Variants in ING3 observed in about 807,000 individuals in gnomAD.
ING3 encodes inhibitor of growth family member 3, also known as inhibitor of growth protein 3.
ING3 carries 6 observed loss-of-function variants against 64.8 expected under a neutral mutation model. The observed-to-expected ratio is 0.09, with a 90% CI of 0.05 to 0.18. The LOEUF (loss-of-function observed/expected upper bound fraction) is 0.18. ING3 is among the 10% of genes least tolerant of loss of function. ING3 has a pLI of 1.00. For missense variants in ING3, 310 were observed against 489.7 expected, an observed-to-expected ratio of 0.63 and a Z score of 3.46; for synonymous variants, 170 against 173.7, an observed-to-expected ratio of 0.98 and a Z score of 0.17.
intron 9 of ING3, among the ~76,000 whole-genome samples, chr7:120,969,521 C>G (rs957036261): frequency 6.6e-6 from 1 of 150,970 alleles, no homozygotes; most frequent in African/African-American, 2.4e-5. Flanking sequence ...CTTTATTTTG[C>G]CATGTGTTTC....
chr7:120,966,929 A>C (rs1225288601), intron 6 of ING3, among the ~76,000 whole-genome samples: 1 of 152,160 alleles, frequency 6.6e-6, no homozygotes, highest in Non-Finnish European at 1.5e-5. Context: ...TAGTACTAAT[A>C]GCATATATTC....
At chr7:120,963,348 A>G (rs1795957343) in intron 4 of ING3, among the ~76,000 whole-genome samples, 1 of 152,096 alleles carries the variant, frequency 6.6e-6, no homozygotes, top group Admixed American at 6.5e-5. Context: ...TCACAAACCA[A>G]CACCCTAATG....
chr7:120,956,781 A>G (rs1795854512), intron 4 of ING3: 1 of 977,962 alleles, frequency 1.0e-6, no homozygotes. Flanking sequence ...TAATTTGTTT[A>G]GTAACATTCT....
chr7:120,973,314 T>C, intron 11 of ING3, 71 bp downstream of exon 11: 1 of 1,025,734 alleles, frequency 9.7e-7, no homozygotes, highest in African/African-American at 1.6e-5. Context: ...ATTTGTCTTA[T>C]TTGCTGTATG....
chr7:120,967,781 A>G, intron 7 of ING3, 133 bp downstream of exon 7: 1 of 1,273,016 alleles, frequency 7.9e-7, no homozygotes. Context: ...AAGAAGAAAA[A>G]GGAAAACCAA....
intron 4 of ING3, 59 bp downstream of exon 4, chr7:120,955,683 A>G: frequency 8.8e-7 from 1 of 1,131,576 alleles, no homozygotes; most frequent in Non-Finnish European, 1.3e-6. Flanking sequence ...ATTATATCTT[A>G]AATTGTATTG....
In ING3 at chr7:120,967,596, T is replaced by C; in HGVS notation, c.504T>C (p.Ser168=). 1 of 1,607,188 alleles carries C rather than the reference T, an allele frequency of 6.2e-7. No individual in the cohort carries two copies. The highest frequency in any genetic ancestry group is 2.2e-5 in the East Asian group (1 of 44,692). Residue 168 remains serine, a synonymous_variant, in exon 7 of 12, where the codon TCT becomes TCC. Transcript: ENST00000315870. Reference sequence around the variant, plus strand: ...ATATTCCTGAAAAGAAATTTAAATCTGAAGCTCTTCTATCCACCCTTACGT... The same window carrying C: ...ATATTCCTGAAAAGAAATTTAAATCCGAAGCTCTTCTATCCACCCTTACGT... ...TDHIPEKKFK[S]EALLSTLTSD...
intron 6 of ING3, among the ~76,000 whole-genome samples, chr7:120,967,171 C>T (rs531138471): frequency 6.6e-6 from 1 of 152,280 alleles, no homozygotes; most frequent in East Asian, 1.9e-4. Flanking sequence ...TGGTTGGTAA[C>T]AGTCAAAAAA....
At chr7:120,965,253 A>G (rs1281534977) in intron 5 of ING3, among the ~76,000 whole-genome samples, 1 of 152,200 alleles carries the variant, frequency 6.6e-6, no homozygotes, top group African/African-American at 2.4e-5. Flanking sequence ...CCTTAACTGC[A>G]TATACTGAAA....
chr7:120,959,630 A>ATTTTTTTTT (rs397889009), intron 4 of ING3, among the ~76,000 whole-genome samples: 6 of 55,702 alleles, frequency 1.1e-4, no homozygotes, highest in Non-Finnish European at 1.6e-4. Flanking sequence ...ACTTCCTCAC[A>ATTTTTTTTT]TTTTTTTTTT....
rs1028232715 is a variant in ING3 at position 120,950,990 on chromosome 7, G to A, written c.28+66G>A. On this transcript the variant is annotated intron_variant, in intron 1 of 11. Transcript: ENST00000315870. ...CGGGCGGGCAAGAGCGCGAGTGGAC[G>A]GGCAGCGAGATGGCGGGAGGGAGGG... is the stretch of plus-strand genomic sequence containing the variant. The A allele has an allele frequency of 5.0e-6, 8 of 1,586,726 alleles. No homozygotes were observed. In the East Asian group the frequency reaches 1.3e-4, roughly 27 times the overall value.
chr7:120,971,471 T>G (rs1285401984), intron 10 of ING3, among the ~76,000 whole-genome samples: 1 of 152,214 alleles, frequency 6.6e-6, no homozygotes, highest in Non-Finnish European at 1.5e-5. Flanking sequence ...CATATGATTT[T>G]GAGACATAAG....
Position 120,956,359 on chromosome 7 carries a change from A to T in ING3, c.267+735A>T, listed in dbSNP as rs183642581. 5.1e-6 allele frequency: 7 copies of T among 1,361,302 alleles called. No homozygotes were observed. In the East Asian group the frequency reaches 2.0e-4, roughly 40 times the overall value. 84.3% of individuals were successfully genotyped at this position (1,361,302 alleles called of 1,614,324 possible). On this transcript the variant is annotated intron_variant, in intron 4 of 11. Transcript: ENST00000315870. ...GCTCACTTTTGGCTAACTTCAGTGT[A>T]TAGATTTCATACTTATGTTGTCTTT...
rs397889009 is a variant in ING3, at chr7:120,959,630, A to ATTT, written c.267+4037_267+4039dup. Reference sequence around the variant, plus strand: ...CCTATACTCCTTGTCACTTCCTCACATTTTTTTTTTTTTTTTTTTTTTTTT... The same window carrying ATTT: ...CCTATACTCCTTGTCACTTCCTCACATTTTTTTTTTTTTTTTTTTTTTTTTTTT... On this transcript the variant is annotated intron_variant, in intron 4 of 11. Transcript: ENST00000315870. Among the ~76,000 whole-genome samples, 250 of 55,718 alleles carry ATTT rather than the reference A, an allele frequency of 4.5e-3. 26 individuals are homozygous for ATTT. Among genetic ancestry groups the ATTT allele is most frequent in the Non-Finnish European group, 5.9e-3 (180 of 30,460 alleles). The allele number at this position is 55,718 out of a possible 152,430, so 36.6% of individuals were successfully genotyped here.
intron 4 of ING3, among the ~76,000 whole-genome samples, chr7:120,964,020 T>G (rs929105578): frequency 3.3e-5 from 5 of 152,110 alleles, no homozygotes; most frequent in Admixed American, 2.0e-4. Context: ...AAAAAATACA[T>G]TAAGACATTT....
At position 120,968,053 on chromosome 7, in the gene ING3, A is replaced by G; in HGVS notation, c.676A>G (p.Thr226Ala). The G allele has an allele frequency of 6.2e-7, 1 of 1,614,176 alleles. No individual in the cohort carries two copies. Among genetic ancestry groups the G allele is most frequent in the Non-Finnish European group, 8.5e-7 (1 of 1,180,024 alleles). ...LSSGTGAGAI[T>A]MAAAQAVQAT... The stretch of plus-strand genomic sequence containing the variant: ...TTCAGGAACTGGTGCAGGGGCAATT[A>G]CCATGGCAGCTGCTCAAGCAGTTCA... Residue 226 changes from threonine (T) to alanine (A), a missense_variant, in exon 8 of 12, where the codon ACC becomes GCC. By Grantham distance (58) the Thr-to-Ala change is moderately conservative. Around this residue, in one of 3 missense-constraint regions of ING3, gnomAD observed 233 missense variants for 289.4 expected, o/e 0.81. Transcript: ENST00000315870.
Position 120,964,795 on chromosome 7 carries a change from G to T in ING3, c.321G>T (p.Glu107Asp). 4.3e-6 allele frequency: 7 copies of T among 1,613,664 alleles called. No individual in the cohort carries two copies. The highest frequency in any genetic ancestry group is 5.9e-6 in the Non-Finnish European group (7 of 1,179,696). Residue 107 changes from glutamate (E) to aspartate (D), a missense_variant, in exon 5 of 12, where the codon GAG becomes GAT. Glu to Asp is a conservative substitution (Grantham distance 45, BLOSUM62 2). This residue lies in a region of ING3 where 233 missense variants were observed against 289.4 expected (regional missense o/e 0.81). Coordinates refer to ENST00000315870, the MANE Select transcript of ING3 (RefSeq NM_019071.3). The stretch of plus-strand genomic sequence containing the variant: ...AGGAACTGGCTAAGTTTAAAATGGA[G>T]CTGGAAGCTGATAATGCTGGAATTA... ...LDQELAKFKM[E>D]LEADNAGITE...
intron 4 of ING3, chr7:120,956,158 A>G: frequency 6.3e-7 from 1 of 1,599,368 alleles, no homozygotes. Context: ...CTTTTTTTGC[A>G]GCAGCACTTC....
intron 3 of ING3, among the ~76,000 whole-genome samples, chr7:120,954,745 C>G (rs558757745): frequency 9.2e-5 from 14 of 152,060 alleles, no homozygotes; most frequent in African/African-American, 3.4e-4. Context: ...CTTTCCCCCT[C>G]TTTTTTAAAA....
Sources: gnomAD v4.1 joint callset for allele counts (sites outside exome capture counted in the v4.1 genomes callset) on GRCh38, gnomAD v4.1.1 for gene constraint, gnomAD v4.1.1 regional missense constraint, MANE v1.5 for transcripts, NCBI Gene and HGNC (gene_info 2026-07-23, HGNC 2026-07-21) for gene names.